Variants in PARD3B observed in about 807,000 individuals in gnomAD.
PARD3B encodes partitioning defective 3 homolog B.
A neutral mutation model predicts 130.2 loss-of-function variants in PARD3B; 103 were observed. That is an observed-to-expected ratio of 0.79 (90% confidence interval 0.67 to 0.93). The LOEUF (loss-of-function observed/expected upper bound fraction) is 0.93, where lower values mean the gene tolerates loss of function less well. Ranked by LOEUF, PARD3B falls within the 40% of genes least tolerant of loss-of-function variation. The pLI, the probability that PARD3B is intolerant of heterozygous loss-of-function variation, is 0.00. For missense variants in PARD3B, 1,609 were observed against 1,499.2 expected (o/e 1.07, Z -1.21); for synonymous variants, 583 against 553.2 (o/e 1.05, Z -0.76).
Position 205,252,378 on chromosome 2 carries a change from A to G in PARD3B, c.2185+6556A>G, listed in dbSNP as rs146128468. 2.4e-4 allele frequency among the ~76,000 whole-genome samples: 36 copies of G among 152,314 alleles called. 1 individual carries two copies. In the East Asian group the frequency reaches 2.7e-3, roughly 11 times the overall value. ...TATAATATGGTAGAGGAGAAAAAAT[A>G]CAAATGCCTAATTCAGTATTTGTTT... On this transcript the variant is annotated intron_variant, in intron 16 of 22. Coordinates refer to ENST00000406610, the MANE Select transcript of PARD3B (RefSeq NM_001302769.2).
intron 18 of PARD3B, among the ~76,000 whole-genome samples, chr2:205,395,078 C>G (rs2045978996): frequency 6.6e-6 from 1 of 152,218 alleles, no homozygotes; most frequent in Non-Finnish European, 1.5e-5. Context: ...CTCTCACTCT[C>G]TTTTCCTTTC....
rs1027249259 is a variant in PARD3B at position 204,783,259 on chromosome 2, T to C, written c.222+96977T>C. On this transcript the variant is annotated intron_variant, in intron 2 of 22. Transcript: ENST00000406610. ...GAACCTGGTGTAATCATAATCAGTGTATATTAGTCAGGAATAGTTGTTGGT... is the reference window on the plus strand; with the variant it reads ...GAACCTGGTGTAATCATAATCAGTGCATATTAGTCAGGAATAGTTGTTGGT... 2.6e-5 allele frequency among the ~76,000 whole-genome samples: 4 copies of C among 152,266 alleles called. 1 individual carries two copies. The East Asian group carries it at 5.8e-4, about 22-fold the overall frequency.
intron 3 of PARD3B, among the ~76,000 whole-genome samples, chr2:205,046,263 T>A (rs181032697): frequency 0.011 from 1,685 of 151,816 alleles, 33 homozygotes; most frequent in African/African-American, 0.034. Context: ...TTTTTTTTTT[T>A]TAAAAATGTT....
chr2:205,048,859 A>G (rs11888472), intron 4 of PARD3B, among the ~76,000 whole-genome samples: 30 of 152,318 alleles, frequency 2.0e-4, no homozygotes, highest in Admixed American at 7.8e-4. Flanking sequence ...TTAAAACTCT[A>G]TCCTTCTAAG....
chr2:204,859,700 A>AG (rs2045105793), intron 2 of PARD3B, among the ~76,000 whole-genome samples: 1 of 152,194 alleles, frequency 6.6e-6, no homozygotes, highest in Non-Finnish European at 1.5e-5. Context: ...GGGAATAAAG[A>AG]GGGCCTCCCT....
At chr2:205,249,929 A>T (rs1253984460) in intron 16 of PARD3B, among the ~76,000 whole-genome samples, 1 of 150,746 alleles carries the variant, frequency 6.6e-6, no homozygotes, top group East Asian at 2.0e-4. Flanking sequence ...AAATTCTAGC[A>T]ATGCCTGGAG....
rs1160058371 is a variant in PARD3B, at chr2:205,276,811, G to C, written c.2186-23719G>C. On this transcript the variant is annotated intron_variant, in intron 16 of 22. Transcript: ENST00000406610. This position sits in a 1 kb window ranked among gnomAD's most constrained non-coding sequence, Gnocchi z 5.0. The stretch of plus-strand genomic sequence containing the variant: ...CCACATGGATATTGCTGTCAGACCT[G>C]GGTTTGAGTCCTGGCCCCATAGCTG... Among the ~76,000 whole-genome samples the C allele has an allele frequency of 6.6e-6, 1 of 152,194 alleles. No individual in the cohort carries two copies. Among genetic ancestry groups the C allele is most frequent in the African/African-American group, 2.4e-5 (1 of 41,438 alleles).
chr2:205,103,065 T>A (rs1020966516), intron 4 of PARD3B, among the ~76,000 whole-genome samples: 13 of 139,468 alleles, frequency 9.3e-5, no homozygotes, highest in Middle Eastern at 3.6e-3. Context: ...TCAAAAAAAA[T>A]AAAAATAAAA....
chr2:205,015,148 A>T lies in PARD3B; in HGVS notation c.395-32433A>T, dbSNP rs1696034345. 6.6e-6 allele frequency among the ~76,000 whole-genome samples: 1 copy of T among 152,214 alleles called. No homozygotes were observed. The highest frequency in any genetic ancestry group is 2.4e-5 in the African/African-American group (1 of 41,456). ...TTGATTAACACCTATTTTGTATGTT[A>T]TATGTATTATGTATACAATATGTAT... is the stretch of plus-strand genomic sequence containing the variant. On this transcript the variant is annotated intron_variant, in intron 3 of 22. Coordinates refer to ENST00000406610, the MANE Select transcript of PARD3B (RefSeq NM_001302769.2). The surrounding 1 kb of genome is among the most constrained non-coding windows in gnomAD (Gnocchi z 4.5).
intron 2 of PARD3B, among the ~76,000 whole-genome samples, chr2:204,889,194 C>T (rs2046365431): frequency 6.6e-6 from 1 of 152,198 alleles, no homozygotes; most frequent in South Asian, 2.1e-4. Context: ...CAGTCCAGCT[C>T]TGAGCACATC....
intron 10 of PARD3B, among the ~76,000 whole-genome samples, chr2:205,156,155 C>T (rs1178109401): frequency 4.7e-5 from 7 of 149,318 alleles, no homozygotes; most frequent in East Asian, 4.0e-4. Flanking sequence ...AGTAAACTAT[C>T]GCAAGGACAA....
Position 205,443,598 on chromosome 2 carries a change from C to G in PARD3B, c.3044+2926C>G, listed in dbSNP as rs552497921. The stretch of plus-strand genomic sequence containing the variant: ...TGATATTTGAACTGGCTCTAGAAGG[C>G]TTAGTAAGACAGGAGCAATTGCAGT... On this transcript the variant is annotated intron_variant, in intron 20 of 22. Transcript: ENST00000406610. Among the ~76,000 whole-genome samples, 152 of 152,248 alleles carry G rather than the reference C, an allele frequency of 1.0e-3. 4 individuals carry two copies. In the South Asian group the frequency reaches 0.03, roughly 30 times the overall value.
At chr2:205,302,773 G>A (rs892874001) in intron 18 of PARD3B, among the ~76,000 whole-genome samples, 15 of 152,092 alleles carry the variant, frequency 9.9e-5, no homozygotes, top group Admixed American at 6.6e-5. Context: ...TCTGGGCTCT[G>A]ATGCCCAAGT....
At chr2:204,895,511 AATTT>A (rs2046610597) in intron 2 of PARD3B, among the ~76,000 whole-genome samples, 2 of 152,124 alleles carry the variant, frequency 1.3e-5, no homozygotes, top group Admixed American at 1.3e-4. Flanking sequence ...AATTTATATT[AATTT>A]ATTCTATGAA....
intron 15 of PARD3B, among the ~76,000 whole-genome samples, chr2:205,224,302 T>C (rs1352614524): frequency 1.5e-5 from 2 of 131,812 alleles, no homozygotes; most frequent in Non-Finnish European, 3.1e-5. Context: ...GCCCAGGAGG[T>C]GGAGCTTGCA....
At chr2:205,522,271 A>G (rs1169607886) in intron 21 of PARD3B, among the ~76,000 whole-genome samples, 2 of 151,468 alleles carry the variant, frequency 1.3e-5, no homozygotes, top group African/African-American at 2.4e-5. Context: ...AAGTGATAAT[A>G]AGCTAATGTT....
intron 2 of PARD3B, 54 bp from the exon 3 acceptor site, chr2:204,965,098 C>G: frequency 6.5e-7 from 1 of 1,542,400 alleles, no homozygotes; most frequent in East Asian, 2.3e-5. Context: ...TAGATAGTGT[C>G]CGTGTGGTAT....
chr2:204,566,967 C>G (rs191478995), intron 1 of PARD3B, among the ~76,000 whole-genome samples: 1 of 152,190 alleles, frequency 6.6e-6, no homozygotes, highest in East Asian at 1.9e-4. Context: ...CAACCTCCGC[C>G]TCCCAGGTTC....
intron 2 of PARD3B, among the ~76,000 whole-genome samples, chr2:204,915,863 C>CA (rs1575295040): frequency 7.9e-5 from 12 of 152,232 alleles, no homozygotes; most frequent in Admixed American, 7.9e-4. Flanking sequence ...TTGCTTGTCT[C>CA]AAAGCATTGT....
Sources: gnomAD v4.1 joint callset for allele counts (sites outside exome capture counted in the v4.1 genomes callset) on GRCh38, gnomAD v4.1.1 for gene constraint, Gnocchi (gnomAD v3.1) non-coding constraint, MANE v1.5 for transcripts, NCBI Gene and HGNC (gene_info 2026-07-23, HGNC 2026-07-21) for gene names.